The following PCLO variants were observed in gnomAD, a reference collection of about 807,000 sequenced individuals.
PCLO encodes protein piccolo.
PCLO carries 82 observed loss-of-function variants against 427.5 expected under a neutral mutation model. The ratio of observed to expected loss-of-function variants is 0.19; its 90% CI spans 0.16 to 0.23. PCLO has a LOEUF of 0.23. PCLO is among the 10% of genes least tolerant of loss of function. The probability of loss-of-function intolerance (pLI) is 1.00; values close to 1 mark genes in which losing one functional copy is unlikely to be tolerated. For synonymous variants in PCLO, 2,357 were observed against 2,155.4 expected (o/e 1.09, Z -2.59); for missense variants, 6,239 against 6,115.9 (o/e 1.02, Z -0.67).
chr7:82,821,830 ATTAAT>A, intron 20 of PCLO: 3 of 982,098 alleles, frequency 3.1e-6, no homozygotes, highest in Non-Finnish European at 2.4e-6. Context: ...TTATACATAT[ATTAAT>A]TTAATGTAGT....
intron 3 of PCLO, among the ~76,000 whole-genome samples, chr7:83,000,036 G>A (rs1353285100): frequency 1.8e-5 from 2 of 110,986 alleles, no homozygotes; most frequent in Non-Finnish European, 3.4e-5. Context: ...CAGAATAAAT[G>A]CCAAAAAACA....
At chr7:82,782,346 T>A (rs1240373723) in intron 22 of PCLO, among the ~76,000 whole-genome samples, 1 of 152,198 alleles carries the variant, frequency 6.6e-6, no homozygotes, top group Non-Finnish European at 1.5e-5. Flanking sequence ...TTTCTTGAAA[T>A]AACATTCCCT....
intron 3 of PCLO, among the ~76,000 whole-genome samples, chr7:82,991,083 A>G (rs534262297): frequency 5.2e-4 from 79 of 152,188 alleles, no homozygotes; most frequent in Admixed American, 1.4e-3. Context: ...ATTCATAAAA[A>G]TAACTATAAA....
intron 3 of PCLO, among the ~76,000 whole-genome samples, chr7:83,000,822 G>A (rs1399084812): frequency 6.6e-6 from 1 of 151,940 alleles, no homozygotes; most frequent in Non-Finnish European, 1.5e-5. Flanking sequence ...AGGAATAAGT[G>A]AAGTAAAATA....
At chr7:83,127,721 A>G (rs554400724) in intron 3 of PCLO, among the ~76,000 whole-genome samples, 2 of 152,306 alleles carry the variant, frequency 1.3e-5, no homozygotes, top group South Asian at 4.1e-4. Context: ...CAGAGATAGT[A>G]TAAACAGACT....
intron 3 of PCLO, among the ~76,000 whole-genome samples, chr7:83,025,430 G>T (rs1218583275): frequency 6.6e-6 from 1 of 150,770 alleles, no homozygotes; most frequent in African/African-American, 2.4e-5. Flanking sequence ...AATGAGCAAA[G>T]CCTCCAAGAA....
At chr7:83,124,557 T>C (rs1323729788) in intron 3 of PCLO, among the ~76,000 whole-genome samples, 5 of 152,192 alleles carry the variant, frequency 3.3e-5, no homozygotes, top group South Asian at 4.1e-4. Context: ...TCACACATTG[T>C]TGATGGGAAT....
intron 22 of PCLO, among the ~76,000 whole-genome samples, chr7:82,779,189 T>G (rs1176246467): frequency 6.6e-6 from 1 of 152,160 alleles, no homozygotes; most frequent in African/African-American, 2.4e-5. Context: ...TCTGCTGCTA[T>G]TGTTAAAAAG....
At chr7:82,805,915 T>C (rs953613202) in intron 20 of PCLO, 86 bp from the exon 21 acceptor site, 2 of 1,318,504 alleles carry the variant, frequency 1.5e-6, no homozygotes, top group Non-Finnish European at 2.1e-6. Context: ...ATCTTCTTAA[T>C]TTACATGTGA....
At chr7:83,108,029 A>T (rs1232215551) in intron 3 of PCLO, among the ~76,000 whole-genome samples, 1 of 151,402 alleles carries the variant, frequency 6.6e-6, no homozygotes, top group Admixed American at 6.6e-5. Flanking sequence ...GAAGAAAGAA[A>T]GAACTCTAAA....
rs1315821031 is a variant in PCLO at position 82,755,344 on chromosome 7, A to C, written c.*3231T>G. ...ATATTTTAAACTGAAATATAAATAA[A>C]GAGTTCAGAGTCACCAAAAATCTTC... is the stretch of plus-strand genomic sequence containing the variant. On this transcript the variant is annotated 3_prime_UTR_variant, in exon 25 of 25. Transcript: ENST00000333891. 6.6e-6 allele frequency: 1 copy of C among 152,168 alleles called. No individual in the cohort carries two copies. The highest frequency in any genetic ancestry group is 2.4e-5 in the African/African-American group (1 of 41,452). The allele number at this position is 152,168 out of a possible 1,614,324, so 9.4% of individuals were successfully genotyped here.
intron 22 of PCLO, among the ~76,000 whole-genome samples, chr7:82,772,011 A>T (rs1269375900): frequency 1.3e-5 from 2 of 152,124 alleles, no homozygotes; most frequent in Admixed American, 1.3e-4. Flanking sequence ...TATTTCATTC[A>T]TTGAACAACG....
chr7:82,965,934 A>T lies in PCLO; in HGVS notation c.3854T>A (p.Val1285Glu), dbSNP rs2115658354. The change falls in exon 4 of 25, where the codon GTG becomes GAG. Residue 1285 changes from valine (V) to glutamate (E), a missense_variant. By Grantham distance (121) the Val-to-Glu change is moderately radical. Transcript: ENST00000333891. ...KLEGRVAPKT[V>E]QEGKQPQTKM... ...GGTCTGTGGTTGTTTCCCTTCTTGCACTGTCTTTGGAGCCACTCTGCCTTC... is the reference window on the plus strand; with the variant it reads ...GGTCTGTGGTTGTTTCCCTTCTTGCTCTGTCTTTGGAGCCACTCTGCCTTC... 1.9e-6 allele frequency: 3 copies of T among 1,613,800 alleles called. No individual in the cohort carries two copies. Among genetic ancestry groups the T allele is most frequent in the Non-Finnish European group, 2.5e-6 (3 of 1,179,836 alleles).
chr7:83,128,441 G>A (rs541976747), intron 3 of PCLO, among the ~76,000 whole-genome samples: 8 of 152,166 alleles, frequency 5.3e-5, no homozygotes, highest in South Asian at 4.1e-4. Flanking sequence ...TTAGCACAGC[G>A]TTCATCAGCA....
rs745326522 is a variant in PCLO, at chr7:83,155,182, C to T, written c.1459G>A (p.Ala487Thr). 1.9e-6 allele frequency: 3 copies of T among 1,597,696 alleles called. No homozygotes were observed. Among genetic ancestry groups the T allele is most frequent in the South Asian group, 2.2e-5 (2 of 90,392 alleles). ...CCAGGCTGTTGAGGTGGGGGCTTTGCTGGGCCAGGCTGTTGAGGTGGGGGC... is the reference window on the plus strand; with the variant it reads ...CCAGGCTGTTGAGGTGGGGGCTTTGTTGGGCCAGGCTGTTGAGGTGGGGGC... ...AKPPPQQPGP[A>T]KPPPQQPGSA... Residue 487 changes from alanine to threonine, a missense_variant, in exon 2 of 25, where the codon GCA becomes ACA. Coordinates refer to ENST00000333891, the MANE Select transcript of PCLO (RefSeq NM_033026.6).
intron 3 of PCLO, among the ~76,000 whole-genome samples, chr7:83,064,948 G>T (rs1359252170): frequency 1.3e-5 from 2 of 151,640 alleles, no homozygotes; most frequent in African/African-American, 2.4e-5. Flanking sequence ...TGGAAACATA[G>T]AATACTATTG....
chr7:82,841,211 C>T (rs556181188), intron 14 of PCLO, among the ~76,000 whole-genome samples: 2 of 152,036 alleles, frequency 1.3e-5, no homozygotes, highest in South Asian at 2.1e-4. Flanking sequence ...AACTGAGGCA[C>T]AAAACATGTT....
rs539950095 is a variant in PCLO, at chr7:83,071,508, C to T, written c.3300+62742G>A. On this transcript the variant is annotated intron_variant, in intron 3 of 24. Transcript: ENST00000333891. ...TCACTCTTCAAGTAATAAAACATTG[C>T]CACATTTCACAACACCTATTCATTA... Among the ~76,000 whole-genome samples the T allele has an allele frequency of 2.6e-5, 4 of 152,216 alleles. No individual in the cohort carries two copies. In the South Asian group the frequency reaches 6.2e-4, roughly 24 times the overall value.
intron 3 of PCLO, among the ~76,000 whole-genome samples, chr7:83,088,160 T>C (rs1301064542): frequency 6.6e-6 from 1 of 152,234 alleles, no homozygotes; most frequent in Non-Finnish European, 1.5e-5. Flanking sequence ...TGAAAATTTA[T>C]CTTTAGTGAA....
Sources: allele counts gnomAD v4.1 joint callset (sites outside exome capture counted in the v4.1 genomes callset), GRCh38; gene constraint gnomAD v4.1.1; transcripts MANE v1.5; gene names NCBI Gene and HGNC (gene_info 2026-07-23, HGNC 2026-07-21).